Variants in RBFOX3 observed in about 807,000 individuals in gnomAD.
The protein encoded by RBFOX3 is RNA binding protein fox-1 homolog 3.
A neutral mutation model predicts 48.7 loss-of-function variants in RBFOX3; 17 were observed. That is an observed-to-expected ratio of 0.35 (90% CI 0.24 to 0.52). RBFOX3 has a LOEUF of 0.52. RBFOX3 is among the 20% of genes least tolerant of loss of function. The pLI is 0.94. For synonymous variants in RBFOX3, 212 were observed against 209.5 expected (o/e 1.01, Z -0.10); for missense variants, 382 against 497.5 (o/e 0.77, Z 2.21).
At chr17:79,540,954 C>T (rs782229152) in intron 1 of RBFOX3, among the ~76,000 whole-genome samples, 9 of 152,132 alleles carry the variant, frequency 5.9e-5, no homozygotes, top group Non-Finnish European at 1.3e-4. Context: ...TTCTTGAGGC[C>T]TGGGGGGATC....
chr17:79,432,313 G>A (rs1006392155), intron 2 of RBFOX3, among the ~76,000 whole-genome samples: 3 of 152,236 alleles, frequency 2.0e-5, no homozygotes, highest in African/African-American at 7.2e-5. Context: ...TGTATACCCA[G>A]AAGTGGGGTT....
Position 79,401,691 on chromosome 17 carries a change from G to A in RBFOX3, c.-175+80763C>T, listed in dbSNP as rs571407878. On this transcript the variant is annotated intron_variant, in intron 2 of 14. Transcript: ENST00000693108. ...TTTGGACGTTCGCTGAGCCTGCTCC[G>A]TGACGGGTCTGTAAGTTCCTACATG... 7.2e-5 allele frequency among the ~76,000 whole-genome samples: 11 copies of A among 152,286 alleles called. No individual in the cohort carries two copies. In the East Asian group the frequency reaches 2.1e-3, roughly 29 times the overall value.
At chr17:79,610,437 C>T (rs1888475208) in intron 1 of RBFOX3, among the ~76,000 whole-genome samples, 1 of 151,738 alleles carries the variant, frequency 6.6e-6, no homozygotes, top group Non-Finnish European at 1.5e-5. Flanking sequence ...GGCATTGTGC[C>T]GCCGCCGCCG....
intron 2 of RBFOX3, among the ~76,000 whole-genome samples, chr17:79,459,387 G>T (rs1197471444): frequency 6.6e-6 from 1 of 152,154 alleles, no homozygotes; most frequent in Non-Finnish European, 1.5e-5. Flanking sequence ...ACCCTCCAAG[G>T]CTGGACTTCA....
chr17:79,115,883 G>A (rs909353929), intron 4 of RBFOX3, 135 bp from the exon 5 acceptor site: 4 of 532,742 alleles, frequency 7.5e-6, no homozygotes, highest in African/African-American at 4.0e-5. Context: ...CTCCAAGGGG[G>A]GCTCGCCGGC....
chr17:79,559,036 G>A (rs1418858354), intron 1 of RBFOX3, among the ~76,000 whole-genome samples: 3 of 152,106 alleles, frequency 2.0e-5, no homozygotes, highest in African/African-American at 7.2e-5. Context: ...GACCCTGGGA[G>A]CCCTGGCCAG....
At chr17:79,280,873 A>C (rs1270255698) in intron 3 of RBFOX3, among the ~76,000 whole-genome samples, 1 of 150,848 alleles carries the variant, frequency 6.6e-6, no homozygotes, top group Non-Finnish European at 1.5e-5. Flanking sequence ...TCCTGCAGGC[A>C]TGTGGGGCAC....
intron 2 of RBFOX3, among the ~76,000 whole-genome samples, chr17:79,319,545 G>A (rs28678907): frequency 0.35 from 29,974 of 86,670 alleles, 4,353 homozygotes; most frequent in African/African-American, 0.43. Flanking sequence ...GCTGGGCTAT[G>A]TCTGGGCTGC....
At chr17:79,428,665 C>G (rs1157073345) in intron 2 of RBFOX3, among the ~76,000 whole-genome samples, 1 of 152,200 alleles carries the variant, frequency 6.6e-6, no homozygotes, top group East Asian at 1.9e-4. Flanking sequence ...ACGTCCACAC[C>G]CCTGCTGATA....
At chr17:79,590,988 G>A (rs978477035) in intron 1 of RBFOX3, among the ~76,000 whole-genome samples, 3 of 152,174 alleles carry the variant, frequency 2.0e-5, no homozygotes, top group South Asian at 2.1e-4. Context: ...GAGCACAAAA[G>A]AAGCCTGTGA....
intron 4 of RBFOX3, among the ~76,000 whole-genome samples, chr17:79,223,223 T>C (rs2059930486): frequency 6.6e-6 from 1 of 152,166 alleles, no homozygotes; most frequent in African/African-American, 2.4e-5. Context: ...GTTGCCTGTG[T>C]ATCTGTACAC....
chr17:79,174,029 G>C (rs1050687650), intron 4 of RBFOX3, among the ~76,000 whole-genome samples: 3 of 152,048 alleles, frequency 2.0e-5, no homozygotes, highest in African/African-American at 7.2e-5. Flanking sequence ...TCCTTGTGAA[G>C]TCCCATCCGC....
Position 79,547,747 on chromosome 17 carries a change from C to T in RBFOX3, c.-320+63079G>A, listed in dbSNP as rs1237770985. Among the ~76,000 whole-genome samples the T allele has an allele frequency of 5.3e-5, 8 of 152,200 alleles. No homozygotes were observed. In the East Asian group the frequency reaches 5.8e-4, roughly 11 times the overall value. ...ACCAGTGGAGCAGGCTGGGGGAGGA[C>T]GCGGGACTTTAGGGGGCAGCAGGCA... On this transcript the variant is annotated intron_variant, in intron 1 of 14. Coordinates refer to ENST00000693108, the MANE Select transcript of RBFOX3 (RefSeq NM_001350451.2).
At chr17:79,168,470 C>A (rs983803679) in intron 4 of RBFOX3, among the ~76,000 whole-genome samples, 1 of 152,238 alleles carries the variant, frequency 6.6e-6, no homozygotes, top group South Asian at 2.1e-4. Flanking sequence ...CCTAAGAGAA[C>A]AGAAGAGGCC....
chr17:79,265,494 C>A (rs1248541392), intron 3 of RBFOX3, among the ~76,000 whole-genome samples: 1 of 152,186 alleles, frequency 6.6e-6, no homozygotes, highest in Non-Finnish European at 1.5e-5. Context: ...CACTGGGCTG[C>A]CAGAAGGACT....
At chr17:79,185,312 G>C (rs1301635986) in intron 4 of RBFOX3, among the ~76,000 whole-genome samples, 1 of 152,196 alleles carries the variant, frequency 6.6e-6, no homozygotes, top group African/African-American at 2.4e-5. Flanking sequence ...CTATGGACTT[G>C]ATGAGGCCCT....
chr17:79,259,223 C>T (rs1017862575), intron 3 of RBFOX3, among the ~76,000 whole-genome samples: 4 of 152,236 alleles, frequency 2.6e-5, no homozygotes, highest in Non-Finnish European at 5.9e-5. Context: ...GTGTCTGGCC[C>T]ACCTGGCATC....
chr17:79,525,974 G>C (rs969734132), intron 1 of RBFOX3, among the ~76,000 whole-genome samples: 9,056 of 152,204 alleles, frequency 0.059, 548 homozygotes, highest in African/African-American at 0.16. Flanking sequence ...ACCCCCGACG[G>C]CCATTGGCTC....
chr17:79,117,210 A>G (rs1568162366), intron 4 of RBFOX3, among the ~76,000 whole-genome samples: 1 of 152,230 alleles, frequency 6.6e-6, no homozygotes, highest in Non-Finnish European at 1.5e-5. Context: ...ACTGCCTGGA[A>G]GGACAGATGC....
Sources: allele counts gnomAD v4.1 joint callset (sites outside exome capture counted in the v4.1 genomes callset), GRCh38; gene constraint gnomAD v4.1.1; transcripts MANE v1.5; gene names NCBI Gene and HGNC (gene_info 2026-07-23, HGNC 2026-07-21).